The following CELF2 variants were observed in gnomAD, a reference collection of about 807,000 sequenced individuals.
CELF2 encodes CUGBP Elav-like family member 2, also known as CUG triplet repeat RNA-binding protein 2.
Under a neutral mutation model 62.6 loss-of-function variants are expected in CELF2, and 8 were observed. That is an observed-to-expected ratio of 0.13 (90% CI 0.07 to 0.23). The LOEUF is 0.23. Ranked by LOEUF, CELF2 falls within the 10% of genes least tolerant of loss-of-function variation. The pLI, the probability that CELF2 is intolerant of heterozygous loss-of-function variation, is 1.00. For synonymous variants in CELF2, 258 were observed against 250.0 expected (o/e 1.03, Z -0.30); for missense variants, 333 against 671.0 (o/e 0.50, Z 5.56).
chr10:11,093,312 A>G (rs971111624), intron 1 of CELF2, among the ~76,000 whole-genome samples: 29 of 152,190 alleles, frequency 1.9e-4, no homozygotes, highest in African/African-American at 7.0e-4. Flanking sequence ...ATTGGGGCTT[A>G]GTCTTGAAAG....
In CELF2 at chr10:11,302,514, G is replaced by A. The variant is rs1468997461; in HGVS notation, c.977-11625G>A. ...CAGTGCCCCCAAAGGACAGGATTGG[G>A]CCCGCCTCCCCCAGACAAGAACTCT... On this transcript the variant is annotated intron_variant, in intron 9 of 12. Transcript: ENST00000633077. The surrounding 1 kb of genome is among the most constrained non-coding windows in gnomAD (Gnocchi z 5.0). 1.3e-5 allele frequency among the ~76,000 whole-genome samples: 2 copies of A among 152,208 alleles called. No individual in the cohort carries two copies. The highest frequency in any genetic ancestry group is 3.9e-4 in the East Asian group (2 of 5,152).
At chr10:10,905,589 A>AT (rs1170091874) in intron 1 of CELF2, among the ~76,000 whole-genome samples, 4 of 151,714 alleles carry the variant, frequency 2.6e-5, no homozygotes, top group Non-Finnish European at 5.9e-5. Flanking sequence ...ACTTAAAAAA[A>AT]AAAAAAGGGC....
At chr10:10,944,042 A>G (rs2047365366) in intron 2 of CELF2, 1 of 152,526 alleles carries the variant, frequency 6.6e-6, no homozygotes, top group African/African-American at 2.4e-5. Context: ...GTAGAAGTGA[A>G]GAGTCTCTTT....
the CELF2 span, among the ~76,000 whole-genome samples, chr10:10,718,985 C>CTT: frequency 1.8e-3 from 220 of 125,118 alleles, 3 homozygotes; most frequent in African/African-American, 5.2e-3. Context: ...TTATTATTCT[C>CTT]TTTTTTTTTT....
intron 2 of CELF2, among the ~76,000 whole-genome samples, chr10:10,982,617 G>T (rs932477886): frequency 1.3e-5 from 2 of 152,172 alleles, no homozygotes; most frequent in Admixed American, 1.3e-4. Context: ...GGATTTTAAA[G>T]TATGCTGAGT....
At chr10:10,531,671 G>A in the CELF2 span, among the ~76,000 whole-genome samples, 118 of 152,230 alleles carry the variant, frequency 7.8e-4, 3 homozygotes, top group East Asian at 0.02. Context: ...TGAATTCTGC[G>A]GGAGGAAGAG....
chr10:10,804,961 A>G (rs2055060943), intron 1 of CELF2, among the ~76,000 whole-genome samples: 1 of 152,248 alleles, frequency 6.6e-6, no homozygotes, highest in South Asian at 2.1e-4. Flanking sequence ...ATAGAGCCAG[A>G]AAAGGTTGCA....
chr10:10,530,660 G>A, the CELF2 span, among the ~76,000 whole-genome samples: 6 of 152,172 alleles, frequency 3.9e-5, no homozygotes, highest in Non-Finnish European at 5.9e-5. Context: ...CCTCTTTTGC[G>A]GAAATTATTC....
chr10:10,697,262 T>C, the CELF2 span, among the ~76,000 whole-genome samples: 1 of 152,104 alleles, frequency 6.6e-6, no homozygotes, highest in Non-Finnish European at 1.5e-5. Context: ...TGGTAGTGGT[T>C]TTTTGCAGGA....
chr10:11,279,197 G>C (rs1160399024), intron 8 of CELF2, among the ~76,000 whole-genome samples: 1 of 152,172 alleles, frequency 6.6e-6, no homozygotes, highest in Non-Finnish European at 1.5e-5. Context: ...TGATGAACGG[G>C]AGGAAACTGC....
At chr10:10,725,662 G>T in the CELF2 span, among the ~76,000 whole-genome samples, 871 of 152,150 alleles carry the variant, frequency 5.7e-3, 2 homozygotes, top group Non-Finnish European at 8.0e-3. Flanking sequence ...TTGTCAACTT[G>T]GGCCAATAAT....
At chr10:10,532,564 C>T in the CELF2 span, among the ~76,000 whole-genome samples, 1 of 152,302 alleles carries the variant, frequency 6.6e-6, no homozygotes, top group African/African-American at 2.4e-5. Context: ...TATAATCTTA[C>T]ATTGAGAGCA....
rs1176101493 is a variant in CELF2 at position 11,296,274 on chromosome 10, A to C, written c.976+7722A>C. Among the ~76,000 whole-genome samples, 7 of 152,098 alleles carry C rather than the reference A, an allele frequency of 4.6e-5. No individual in the cohort carries two copies. The highest frequency in any genetic ancestry group is 8.8e-5 in the Non-Finnish European group (6 of 68,020). On this transcript the variant is annotated intron_variant, in intron 9 of 12. Coordinates refer to ENST00000633077, the MANE Select transcript of CELF2 (RefSeq NM_001326342.2). This position sits in a 1 kb window ranked among gnomAD's most constrained non-coding sequence, Gnocchi z 5.0. ...TGTTGGTGGCGCTGGACTCTGTGCT[A>C]AGTGTGATTTGTTTTTAAATATTGC...
rs2066380174 is a variant in CELF2, at chr10:10,934,092, T to C, written c.89+14093T>C. Among the ~76,000 whole-genome samples, 1 of 152,222 alleles carries C rather than the reference T, an allele frequency of 6.6e-6. No homozygotes were observed. On this transcript the variant is annotated intron_variant, in intron 2 of 13. Transcript: ENST00000636488. The surrounding 1 kb of genome is among the most constrained non-coding windows in gnomAD (Gnocchi z 4.4). ...ACAAGGGTTCCCTTTCTCCAATCAG[T>C]GCCAGCGTTTCTTATTTTGCGTCTT... is the stretch of plus-strand genomic sequence containing the variant.
chr10:10,544,534 C>T, the CELF2 span, among the ~76,000 whole-genome samples: 1 of 152,184 alleles, frequency 6.6e-6, no homozygotes, highest in African/African-American at 2.4e-5. Flanking sequence ...TAGCCATATA[C>T]AAGTGTTTTC....
At chr10:10,523,388 T>C in the CELF2 span, among the ~76,000 whole-genome samples, 1 of 152,234 alleles carries the variant, frequency 6.6e-6, no homozygotes, top group Non-Finnish European at 1.5e-5. Context: ...TGCAGATAGA[T>C]GTTTACATTC....
intron 9 of CELF2, among the ~76,000 whole-genome samples, chr10:11,303,613 G>T (rs555662322): frequency 6.6e-6 from 1 of 152,120 alleles, no homozygotes; most frequent in Non-Finnish European, 1.5e-5. Context: ...TGTTACTCCC[G>T]TTTCGTGAAT....
At chr10:11,057,770 C>G (rs1006913920) in intron 1 of CELF2, among the ~76,000 whole-genome samples, 17 of 152,100 alleles carry the variant, frequency 1.1e-4, no homozygotes, top group African/African-American at 3.9e-4. Context: ...TGGTTAACAG[C>G]CTGTTTCTCC....
the CELF2 span, among the ~76,000 whole-genome samples, chr10:10,706,103 C>T: frequency 2.0e-5 from 3 of 152,164 alleles, no homozygotes; most frequent in East Asian, 3.9e-4. Flanking sequence ...CCTTTCCTCC[C>T]TCCCTTCTCA....
Sources: gnomAD v4.1 joint callset for allele counts (sites outside exome capture counted in the v4.1 genomes callset) on GRCh38, gnomAD v4.1.1 for gene constraint, Gnocchi (gnomAD v3.1) non-coding constraint, MANE v1.5 for transcripts, NCBI Gene and HGNC (gene_info 2026-07-23, HGNC 2026-07-21) for gene names.